The following RAD54L2 variants were observed in gnomAD, a reference collection of about 807,000 sequenced individuals.
RAD54L2 encodes helicase ARIP4.
In RAD54L2, 27 loss-of-function variants were observed where a neutral mutation model predicts 138.4. The observed-to-expected ratio is 0.20, with a 90% CI of 0.14 to 0.27. The LOEUF (loss-of-function observed/expected upper bound fraction) is 0.27. Ranked by LOEUF, RAD54L2 falls within the 10% of genes least tolerant of loss-of-function variation. The pLI is 1.00. For synonymous variants in RAD54L2, 644 were observed against 723.2 expected, an observed-to-expected ratio of 0.89 and a Z score of 1.76; for missense variants, 1,396 against 1,890.2, an observed-to-expected ratio of 0.74 and a Z score of 4.85.
At chr3:51,625,348 G>A (rs1179877257) in intron 3 of RAD54L2, among the ~76,000 whole-genome samples, 1 of 152,150 alleles carries the variant, frequency 6.6e-6, no homozygotes, top group Non-Finnish European at 1.5e-5. Context: ...AACCCGGGAG[G>A]CGGAGGTTGA....
chr3:51,643,807 G>C, intron 15 of RAD54L2, 68 bp from the exon 16 acceptor site: 4 of 1,190,720 alleles, frequency 3.4e-6, no homozygotes, highest in Non-Finnish European at 4.9e-6. Flanking sequence ...AAACATATTT[G>C]CCCAGTGATT....
chr3:51,539,249 C>T (rs1698490628), intron 1 of RAD54L2, among the ~76,000 whole-genome samples: 2 of 152,142 alleles, frequency 1.3e-5, no homozygotes, highest in South Asian at 2.1e-4. Flanking sequence ...GGAGGATGAC[C>T]AGAGCGCGGT....
intron 2 of RAD54L2, among the ~76,000 whole-genome samples, chr3:51,552,412 G>A (rs570204064): frequency 1.7e-4 from 25 of 151,392 alleles, no homozygotes; most frequent in African/African-American, 3.4e-4. Context: ...ACAGGCACCC[G>A]CCACCACGCC....
At chr3:51,564,525 CCCTTT>C (rs1699169120) in intron 2 of RAD54L2, among the ~76,000 whole-genome samples, 1 of 152,154 alleles carries the variant, frequency 6.6e-6, no homozygotes, top group African/African-American at 2.4e-5. Flanking sequence ...TTGGGGTCTG[CCCTTT>C]CCTTTAGCCT....
In RAD54L2 at chr3:51,640,045, AATGACAAAACCACCAC is replaced by A. The variant is rs1701089604; in HGVS notation, c.2231+48_2231+63del. 2.1e-6 allele frequency: 3 copies of A among 1,447,256 alleles called. No homozygotes were observed. The East Asian group carries it at 7.1e-5, about 34-fold the overall frequency. The allele number at this position is 1,447,256 out of a possible 1,614,324, so 89.7% of individuals were successfully genotyped here. A position where few individuals can be genotyped will look rare whatever the true frequency, so the allele number is the denominator to read the frequency against. ...TTGAGGCTGTGTGTCTATGGTAAAG[AATGACAAAACCACCAC>A]AGAGCAAGACCAAGACCACCCCCGC... On this transcript the variant is annotated intron_variant, in intron 14 of 22. Coordinates refer to ENST00000684192, the MANE Select transcript of RAD54L2 (RefSeq NM_015106.4).
intron 21 of RAD54L2, among the ~76,000 whole-genome samples, chr3:51,658,564 C>T (rs1423587030): frequency 6.6e-6 from 1 of 152,188 alleles, no homozygotes; most frequent in Non-Finnish European, 1.5e-5. Flanking sequence ...TCTGCACCCA[C>T]GTCTTCTATC....
At chr3:51,614,660 G>A (rs574601342) in intron 3 of RAD54L2, among the ~76,000 whole-genome samples, 1 of 152,172 alleles carries the variant, frequency 6.6e-6, no homozygotes, top group South Asian at 2.1e-4. Context: ...ATATAGGCAT[G>A]TGCCACCATA....
At position 51,619,996 on chromosome 3, in the gene RAD54L2, G is replaced by C. The variant is rs1700531863; in HGVS notation, c.140-7557G>C. Among the ~76,000 whole-genome samples, 2 of 152,116 alleles carry C rather than the reference G, an allele frequency of 1.3e-5. 1 individual carries two copies. Among genetic ancestry groups the C allele is most frequent in the South Asian group, 4.1e-4 (2 of 4,820 alleles). ...GATCTTAAGGTGTGTTCAGGCTCCGGTGCAGAGTTTTTGGCACACAGACAT... is the reference window on the plus strand; with the variant it reads ...GATCTTAAGGTGTGTTCAGGCTCCGCTGCAGAGTTTTTGGCACACAGACAT... On this transcript the variant is annotated intron_variant, in intron 3 of 22. Transcript: ENST00000684192.
chr3:51,551,423 A>G (rs1450579949), intron 2 of RAD54L2, among the ~76,000 whole-genome samples: 1 of 149,224 alleles, frequency 6.7e-6, no homozygotes, highest in Non-Finnish European at 1.5e-5. Flanking sequence ...ATGAGCCATC[A>G]TGCCTGGCCT....
intron 6 of RAD54L2, 86 bp downstream of exon 6, chr3:51,630,474 C>T: frequency 7.7e-7 from 1 of 1,290,440 alleles, no homozygotes; most frequent in Non-Finnish European, 1.1e-6. Context: ...CCAGTCCTTC[C>T]TCCTTCAATT....
rs769197452 is a variant in RAD54L2 at position 51,627,596 on chromosome 3, G to A, written c.183G>A (p.Leu61=). 8 of 1,556,980 alleles carry A rather than the reference G, an allele frequency of 5.1e-6. No homozygotes were observed. The African/African-American group carries it at 1.1e-4, about 21-fold the overall frequency. ...TGTGTGGCACTGAGCATGCCCAGTTGGGAGAAGATGGGCAGCAGCCGCCGC... is the reference window on the plus strand; with the variant it reads ...TGTGTGGCACTGAGCATGCCCAGTTAGGAGAAGATGGGCAGCAGCCGCCGC... The part of the protein sequence containing the change: ...EGMCGTEHAQ[L]GEDGQQPPRC... The change falls in exon 4 of 23, where the codon TTG becomes TTA. Residue 61 remains leucine (L), a synonymous_variant. Coordinates refer to ENST00000684192, the MANE Select transcript of RAD54L2 (RefSeq NM_015106.4).
At chr3:51,545,579 A>T (rs1442691425) in intron 2 of RAD54L2, among the ~76,000 whole-genome samples, 4 of 151,038 alleles carry the variant, frequency 2.6e-5, no homozygotes, top group Admixed American at 1.3e-4. Flanking sequence ...TAAATTTTTA[A>T]TTTTTTTTTG....
intron 3 of RAD54L2, among the ~76,000 whole-genome samples, chr3:51,601,398 CAG>C (rs540200149): frequency 7.7e-4 from 116 of 151,456 alleles, no homozygotes; most frequent in Admixed American, 2.7e-3. Context: ...ACCTCTGCCT[CAG>C]GGGTTCAAGG....
Position 51,633,999 on chromosome 3 carries a change from G to A in RAD54L2, c.1106G>A (p.Arg369Gln), listed in dbSNP as rs1700915007. 1.2e-6 allele frequency: 2 copies of A among 1,613,818 alleles called. No individual in the cohort carries two copies. Among genetic ancestry groups the A allele is most frequent in the Non-Finnish European group, 1.7e-6 (2 of 1,179,882 alleles). Reference sequence around the variant, plus strand: ...AACAAGCCTGAAGAAGTCCAGCCTCGGTTCTTTAAAGTTCACATCTTGAAT... The same window carrying A: ...AACAAGCCTGAAGAAGTCCAGCCTCAGTTCTTTAAAGTTCACATCTTGAAT... The part of the protein sequence containing the change: ...ADNKPEEVQP[R>Q]FFKVHILNDE... The change falls in exon 9 of 23, where the codon CGG becomes CAG. Residue 369 changes from arginine to glutamine, a missense_variant. Physicochemically the swap from Arg to Gln is conservative, Grantham distance 43 (BLOSUM62 1). Around this residue, in one of 7 missense-constraint regions of RAD54L2, gnomAD observed 169 missense variants for 235.6 expected, o/e 0.72. Coordinates refer to ENST00000684192, the MANE Select transcript of RAD54L2 (RefSeq NM_015106.4).
chr3:51,640,922 GT>G (rs1313746218), intron 14 of RAD54L2, among the ~76,000 whole-genome samples: 28 of 152,220 alleles, frequency 1.8e-4, no homozygotes, highest in Non-Finnish European at 3.2e-4. Context: ...TCGTAAGTAT[GT>G]GGATGACTCT....
chr3:51,593,840 A>T (rs961162027), intron 3 of RAD54L2, among the ~76,000 whole-genome samples: 2 of 151,914 alleles, frequency 1.3e-5, no homozygotes, highest in African/African-American at 4.8e-5. Context: ...TTTCTTTTAG[A>T]CTTCTTAGGA....
intron 2 of RAD54L2, among the ~76,000 whole-genome samples, chr3:51,581,850 C>T (rs112373255): frequency 6.6e-6 from 1 of 152,062 alleles, no homozygotes; most frequent in African/African-American, 2.4e-5. Context: ...CTGACTTAGG[C>T]TTAGGGAAGT....
intron 21 of RAD54L2, among the ~76,000 whole-genome samples, chr3:51,659,425 T>TA (rs1294539569): frequency 1.3e-5 from 2 of 152,174 alleles, no homozygotes; most frequent in Non-Finnish European, 2.9e-5. Context: ...CTGGCTCTTG[T>TA]AAAAAAGTTT....
intron 2 of RAD54L2, among the ~76,000 whole-genome samples, chr3:51,562,774 A>C (rs989206276): frequency 6.6e-6 from 1 of 151,844 alleles, no homozygotes; most frequent in Admixed American, 6.6e-5. Context: ...GGCTTCCCAA[A>C]GTTCTGGGAT....
Sources: gnomAD v4.1 joint callset for allele counts (sites outside exome capture counted in the v4.1 genomes callset) on GRCh38, gnomAD v4.1.1 for gene constraint, gnomAD v4.1.1 regional missense constraint, MANE v1.5 for transcripts, NCBI Gene and HGNC (gene_info 2026-07-23, HGNC 2026-07-21) for gene names.